Variants in GALNT13 observed in about 807,000 individuals in gnomAD.
GALNT13 encodes polypeptide N-acetylgalactosaminyltransferase 13.
In GALNT13, 28 loss-of-function variants were observed where a neutral mutation model predicts 64.2. That is an observed-to-expected ratio of 0.44 (90% confidence interval 0.32 to 0.60). GALNT13 has a LOEUF of 0.60. Ranked by LOEUF, GALNT13 falls within the 20% of genes least tolerant of loss-of-function variation. GALNT13 has a pLI of 0.05. For synonymous variants in GALNT13, 214 were observed against 224.6 expected, an observed-to-expected ratio of 0.95 and a Z score of 0.42; for missense variants, 577 against 669.8, an observed-to-expected ratio of 0.86 and a Z score of 1.53.
chr2:153,845,841 G>A, the GALNT13 span, among the ~76,000 whole-genome samples: 48,415 of 151,834 alleles, frequency 0.32, 8,029 homozygotes, highest in Middle Eastern at 0.43. Context: ...AACACAAGTT[G>A]TAGAAGTAAA....
the GALNT13 span, among the ~76,000 whole-genome samples, chr2:153,672,078 C>T: frequency 2.0e-5 from 3 of 152,150 alleles, no homozygotes; most frequent in African/African-American, 7.2e-5. Flanking sequence ...TACAAAAAGA[C>T]TTAGAATCCC....
the GALNT13 span, among the ~76,000 whole-genome samples, chr2:153,538,605 T>C: frequency 3.1e-4 from 21 of 67,452 alleles, no homozygotes; most frequent in African/African-American, 1.1e-3. Context: ...TGTGATCTCA[T>C]TGTTCAATTC....
intron 4 of GALNT13, among the ~76,000 whole-genome samples, chr2:154,176,446 G>C (rs958748195): frequency 6.6e-6 from 1 of 151,746 alleles, no homozygotes; most frequent in East Asian, 1.9e-4. Context: ...TAGAGACGGG[G>C]TTTCACCGTG....
At chr2:153,433,874 C>T in the GALNT13 span, among the ~76,000 whole-genome samples, 1 of 151,066 alleles carries the variant, frequency 6.6e-6, no homozygotes, top group Non-Finnish European at 1.5e-5. Context: ...ACATGTGCAC[C>T]ACGTACAGGT....
At chr2:154,002,176 T>C (rs190677279) in intron 3 of GALNT13, among the ~76,000 whole-genome samples, 4 of 152,246 alleles carry the variant, frequency 2.6e-5, no homozygotes, top group African/African-American at 9.6e-5. Flanking sequence ...AATTGTTGAC[T>C]TCTGAGCTTT....
At chr2:153,575,815 C>T in the GALNT13 span, among the ~76,000 whole-genome samples, 5,154 of 152,200 alleles carry the variant, frequency 0.034, 122 homozygotes, top group Non-Finnish European at 0.05. Context: ...GAATAGAGAA[C>T]GCCAAGAGCC....
At chr2:153,926,558 A>G (rs1297587094) in intron 2 of GALNT13, among the ~76,000 whole-genome samples, 1 of 152,150 alleles carries the variant, frequency 6.6e-6, no homozygotes, top group Non-Finnish European at 1.5e-5. Context: ...CTTTCCAGAG[A>G]CTGTAATACT....
the GALNT13 span, among the ~76,000 whole-genome samples, chr2:153,361,677 A>G: frequency 6.6e-6 from 1 of 152,152 alleles, no homozygotes; most frequent in East Asian, 1.9e-4. Flanking sequence ...TTTAGAAAAA[A>G]AGAATGAAAA....
chr2:153,172,147 A>T, the GALNT13 span: 1 of 152,224 alleles, frequency 6.6e-6, no homozygotes, highest in Admixed American at 6.5e-5. Context: ...AATATAAAGC[A>T]GCACATCTCT....
At chr2:153,640,527 C>T in the GALNT13 span, among the ~76,000 whole-genome samples, 1 of 152,102 alleles carries the variant, frequency 6.6e-6, no homozygotes, top group Non-Finnish European at 1.5e-5. Context: ...ACCTGTAATC[C>T]TAGCACTTTG....
the GALNT13 span, among the ~76,000 whole-genome samples, chr2:153,214,317 C>T: frequency 6.6e-6 from 1 of 152,174 alleles, no homozygotes; most frequent in East Asian, 1.9e-4. Flanking sequence ...CTGACCATAG[C>T]TGATGAATAG....
the GALNT13 span, among the ~76,000 whole-genome samples, chr2:153,783,422 T>G: frequency 6.6e-6 from 1 of 152,154 alleles, no homozygotes; most frequent in African/African-American, 2.4e-5. Flanking sequence ...GTTTGTTTGT[T>G]TGTTTTTCCC....
intron 7 of GALNT13, among the ~76,000 whole-genome samples, chr2:154,253,602 G>A (rs1030823020): frequency 5.9e-5 from 9 of 152,146 alleles, no homozygotes; most frequent in African/African-American, 1.4e-4. Context: ...GCAGTATAGT[G>A]AGACCCAGTC....
At chr2:153,425,103 G>A in the GALNT13 span, among the ~76,000 whole-genome samples, 1 of 151,450 alleles carries the variant, frequency 6.6e-6, no homozygotes, top group Non-Finnish European at 1.5e-5. Flanking sequence ...TTTACTAAGA[G>A]TACAAAAACA....
At chr2:153,624,546 G>T in the GALNT13 span, among the ~76,000 whole-genome samples, 1 of 152,042 alleles carries the variant, frequency 6.6e-6, no homozygotes, top group Non-Finnish European at 1.5e-5. Context: ...TTCACACTGC[G>T]TCCTAGAATG....
At chr2:153,679,837 C>T in the GALNT13 span, among the ~76,000 whole-genome samples, 11 of 151,848 alleles carry the variant, frequency 7.2e-5, no homozygotes, top group Non-Finnish European at 1.6e-4. Context: ...TCCATTTTCT[C>T]CTCTCTCCAG....
At chr2:153,401,493 G>C in the GALNT13 span, among the ~76,000 whole-genome samples, 5 of 148,622 alleles carry the variant, frequency 3.4e-5, no homozygotes, top group African/African-American at 1.3e-4. Flanking sequence ...TTGACTTTCT[G>C]TCTCGTTGAT....
At chr2:153,274,029 G>T in the GALNT13 span, among the ~76,000 whole-genome samples, 1 of 152,062 alleles carries the variant, frequency 6.6e-6, no homozygotes, top group Non-Finnish European at 1.5e-5. Flanking sequence ...CTTAAATGTT[G>T]TTCAAATAAT....
the GALNT13 span, among the ~76,000 whole-genome samples, chr2:153,299,041 CAA>C: frequency 3.3e-5 from 5 of 152,110 alleles, no homozygotes; most frequent in African/African-American, 1.2e-4. Context: ...TCTTTGAAGA[CAA>C]ATGTATTCCC....
Sources: gnomAD v4.1 joint callset for allele counts (sites outside exome capture counted in the v4.1 genomes callset) on GRCh38, gnomAD v4.1.1 for gene constraint, MANE v1.5 for transcripts, NCBI Gene and HGNC (gene_info 2026-07-23, HGNC 2026-07-21) for gene names.